The following SLC35G2 variants were observed in gnomAD, a reference collection of about 807,000 sequenced individuals.
The protein encoded by SLC35G2 is transmembrane protein 22.
SLC35G2 carries 20 observed loss-of-function variants against 27.2 expected under a neutral mutation model. The ratio of observed to expected loss-of-function variants is 0.74; its 90% confidence interval spans 0.52 to 1.07. The LOEUF (loss-of-function observed/expected upper bound fraction) is 1.07. Among genes scored for constraint, SLC35G2 ranks in the 50% least tolerant of loss-of-function variants. The probability of loss-of-function intolerance (pLI) is 0.00; values close to 1 mark genes in which losing one functional copy is unlikely to be tolerated. For synonymous variants in SLC35G2, 148 were observed against 165.3 expected (o/e 0.90, Z 0.80); for missense variants, 416 against 493.3 (o/e 0.84, Z 1.48).
intron 1 of SLC35G2, among the ~76,000 whole-genome samples, chr3:136,844,814 A>G (rs984152448): frequency 2.0e-5 from 3 of 151,050 alleles, no homozygotes; most frequent in African/African-American, 7.3e-5. Context: ...AAAAAAAAAA[A>G]AAAAAAAAGA....
At chr3:136,843,802 C>T (rs549667506) in intron 1 of SLC35G2, among the ~76,000 whole-genome samples, 1 of 151,930 alleles carries the variant, frequency 6.6e-6, no homozygotes, top group East Asian at 1.9e-4. Flanking sequence ...GGCATGGTGA[C>T]GCACCCCTGT....
chr3:136,825,944 AT>A (rs1283858410), intron 1 of SLC35G2, among the ~76,000 whole-genome samples: 2 of 152,084 alleles, frequency 1.3e-5, no homozygotes, highest in Non-Finnish European at 2.9e-5. Flanking sequence ...TCTCTCCTCT[AT>A]TTTTGGGAAC....
intron 1 of SLC35G2, among the ~76,000 whole-genome samples, chr3:136,852,081 A>C (rs1167966780): frequency 6.6e-6 from 1 of 152,238 alleles, no homozygotes; most frequent in Admixed American, 6.5e-5. Flanking sequence ...GTGGTATCAC[A>C]GACATAAATG....
At chr3:136,848,321 A>C (rs954276000) in intron 1 of SLC35G2, among the ~76,000 whole-genome samples, 1 of 152,212 alleles carries the variant, frequency 6.6e-6, no homozygotes, top group African/African-American at 2.4e-5. Flanking sequence ...TGGAAAATGT[A>C]GTTCAGCATA....
chr3:136,832,788 G>A (rs1936762661), intron 1 of SLC35G2, among the ~76,000 whole-genome samples: 1 of 152,222 alleles, frequency 6.6e-6, no homozygotes, highest in African/African-American at 2.4e-5. Flanking sequence ...AAGGACTGAG[G>A]CCGGGTGTGG....
intron 1 of SLC35G2, among the ~76,000 whole-genome samples, chr3:136,847,667 G>C (rs1430272169): frequency 6.6e-6 from 1 of 152,074 alleles, no homozygotes; most frequent in Non-Finnish European, 1.5e-5. Context: ...TCAGGAAGGG[G>C]AGATTTAAGG....
intron 1 of SLC35G2, among the ~76,000 whole-genome samples, chr3:136,828,439 A>G (rs1371894852): frequency 2.0e-5 from 3 of 152,200 alleles, no homozygotes; most frequent in African/African-American, 7.2e-5. Flanking sequence ...ATTTATTTAT[A>G]GTTGTTATAG....
Position 136,854,585 on chromosome 3 carries a change from AT to A in SLC35G2, c.126del (p.Asn42LysfsTer17). ...GGCGATGATGGATATGAAGAAATCA[AT>A]GAAGGCTATGGAAATTTTATGGAGG... ...QPGDDGYEEINEGYGNFMEEN... is the reference protein window; with the variant it reads ...QPGDDGYEEIXEGYGNFMEEN... On this transcript the variant is annotated frameshift_variant, in exon 2 of 2. Transcript: ENST00000446465. LOFTEE classifies it high-confidence loss of function. 1 of 1,613,362 alleles carries A rather than the reference AT, an allele frequency of 6.2e-7. No individual in the cohort carries two copies. The highest frequency in any genetic ancestry group is 8.5e-7 in the Non-Finnish European group (1 of 1,179,884).
chr3:136,842,933 G>A (rs1312471694), intron 1 of SLC35G2: 1 of 152,154 alleles, frequency 6.6e-6, no homozygotes, highest in African/African-American at 2.4e-5. Context: ...GTGCCAGTGT[G>A]TCTGTCTAGT....
intron 1 of SLC35G2, among the ~76,000 whole-genome samples, chr3:136,847,638 G>C (rs1937449692): frequency 1.3e-5 from 2 of 151,908 alleles, no homozygotes; most frequent in Non-Finnish European, 2.9e-5. Context: ...AAGCAAGTCT[G>C]AAGTCTGCAG....
chr3:136,853,373 G>C (rs113077001), intron 1 of SLC35G2, among the ~76,000 whole-genome samples: 1 of 114,694 alleles, frequency 8.7e-6, no homozygotes, highest in East Asian at 2.5e-4. Context: ...CAAAATGCTG[G>C]GATTACAGGT....
At chr3:136,849,212 A>AC (rs1447034375) in intron 1 of SLC35G2, among the ~76,000 whole-genome samples, 80 of 152,030 alleles carry the variant, frequency 5.3e-4, no homozygotes, top group African/African-American at 1.8e-3. Flanking sequence ...ACACACACAC[A>AC]CACGTAACGA....
chr3:136,846,158 T>C (rs966102300), intron 1 of SLC35G2, among the ~76,000 whole-genome samples: 7 of 152,280 alleles, frequency 4.6e-5, no homozygotes, highest in Admixed American at 4.6e-4. Flanking sequence ...ATATTGGCAC[T>C]TCTCTGGACT....
At chr3:136,828,335 G>A (rs1029883067) in intron 1 of SLC35G2, among the ~76,000 whole-genome samples, 2 of 152,102 alleles carry the variant, frequency 1.3e-5, no homozygotes, top group Non-Finnish European at 2.9e-5. Context: ...CTGAAAGTGG[G>A]GTGTTGAAGT....
chr3:136,854,430 T>C lies in SLC35G2; in HGVS notation c.-18-13T>C, dbSNP rs1000856518. 1.3e-6 allele frequency: 2 copies of C among 1,507,878 alleles called. No individual in the cohort carries two copies. The highest frequency in any genetic ancestry group is 1.3e-5 in the South Asian group (1 of 79,352). The allele number at this position is 1,507,878 out of a possible 1,614,324, so 93.4% of individuals were successfully genotyped here. On this transcript the variant is annotated splice_polypyrimidine_tract_variant and intron_variant, in intron 1 of 1. Coordinates refer to ENST00000446465, the MANE Select transcript of SLC35G2 (RefSeq NM_025246.3). ...AAATGAATGTCTTTTTGTCAATTTT[T>C]TTCTTTAAATAGAATTGATTATCTG...
chr3:136,839,804 A>G (rs1248689775), intron 1 of SLC35G2, among the ~76,000 whole-genome samples: 1 of 152,110 alleles, frequency 6.6e-6, no homozygotes, highest in African/African-American at 2.4e-5. Context: ...CTGTCAGTGG[A>G]GTGTCCAGCT....
At chr3:136,840,509 C>T (rs2108012356) in intron 1 of SLC35G2, among the ~76,000 whole-genome samples, 1 of 151,266 alleles carries the variant, frequency 6.6e-6, no homozygotes, top group African/African-American at 2.4e-5. Flanking sequence ...TCCTCCCCTC[C>T]CTCCCTTCCT....
In SLC35G2 at chr3:136,855,320, C is replaced by T; in HGVS notation, c.860C>T (p.Ala287Val). The T allele has an allele frequency of 6.2e-7, 1 of 1,614,166 alleles. No homozygotes were observed. The highest frequency in any genetic ancestry group is 8.5e-7 in the Non-Finnish European group (1 of 1,180,014). Residue 287 changes from alanine (A) to valine (V), a missense_variant, in exon 2 of 2, where the codon GCA becomes GTA. Transcript: ENST00000446465. ...AAGGAGAAGATCAGCATGTGGACTG[C>T]ACTGTTTACTTTTGGTTGGACTGGG... ...SIKEKISMWT[A>V]LFTFGWTGTI...
chr3:136,849,990 C>G (rs998128494), intron 1 of SLC35G2, among the ~76,000 whole-genome samples: 2 of 152,092 alleles, frequency 1.3e-5, no homozygotes, highest in Non-Finnish European at 2.9e-5. Context: ...GCCTATGATC[C>G]CAGCTACTGT....
Sources: allele counts gnomAD v4.1 joint callset (sites outside exome capture counted in the v4.1 genomes callset), GRCh38; gene constraint gnomAD v4.1.1; transcripts MANE v1.5; gene names NCBI Gene and HGNC (gene_info 2026-07-23, HGNC 2026-07-21).